CNTN5: variants seen among roughly 807,000 people sequenced by gnomAD.
CNTN5 encodes contactin-5.
Under a neutral mutation model 129.1 loss-of-function variants are expected in CNTN5, and 77 were observed. The observed-to-expected ratio is 0.60, with a 90% confidence interval of 0.50 to 0.72. The LOEUF is 0.72. CNTN5 is among the 30% of genes least tolerant of loss of function. The pLI, the probability that CNTN5 is intolerant of heterozygous loss-of-function variation, is 0.00. For missense variants in CNTN5, 1,478 were observed against 1,328.8 expected, an observed-to-expected ratio of 1.11 and a Z score of -1.75; for synonymous variants, 509 against 465.6, an observed-to-expected ratio of 1.09 and a Z score of -1.20.
chr11:100,014,107 A>T (rs1940686525), intron 9 of CNTN5, among the ~76,000 whole-genome samples: 1 of 152,160 alleles, frequency 6.6e-6, no homozygotes, highest in Non-Finnish European at 1.5e-5. Context: ...TTAGGTACCA[A>T]GTGTCAGTAA....
chr11:100,180,325 T>G (rs1367126507), intron 13 of CNTN5, among the ~76,000 whole-genome samples: 1 of 151,976 alleles, frequency 6.6e-6, no homozygotes, highest in African/African-American at 2.4e-5. Flanking sequence ...TATGCTCAAC[T>G]GATTTTTGAC....
At chr11:100,133,581 T>C (rs1443790034) in intron 13 of CNTN5, among the ~76,000 whole-genome samples, 2 of 152,140 alleles carry the variant, frequency 1.3e-5, no homozygotes, top group Non-Finnish European at 2.9e-5. Flanking sequence ...GGACCCCAGA[T>C]AGATATTTTA....
intron 21 of CNTN5, among the ~76,000 whole-genome samples, chr11:100,333,732 A>G (rs998520634): frequency 1.3e-5 from 2 of 152,168 alleles, no homozygotes; most frequent in African/African-American, 2.4e-5. Flanking sequence ...GGCTAGCCAC[A>G]TGTTGAAAAT....
At chr11:100,235,797 G>A (rs898485287) in intron 16 of CNTN5, among the ~76,000 whole-genome samples, 4 of 152,010 alleles carry the variant, frequency 2.6e-5, no homozygotes, top group Non-Finnish European at 4.4e-5. Flanking sequence ...GAATGCCCTC[G>A]AACTTGGAAA....
intron 8 of CNTN5, among the ~76,000 whole-genome samples, chr11:99,990,149 A>T (rs995407566): frequency 1.3e-5 from 2 of 152,108 alleles, no homozygotes; most frequent in African/African-American, 4.8e-5. Context: ...CATTTCTAAG[A>T]TCTATTTCTA....
rs397936738 is a variant in CNTN5 at position 99,727,312 on chromosome 11, CAAAAAAA to C, written c.56-92216_56-92210del. ...TGGGCGACAGAGCGAGACTCCGTCT[CAAAAAAA>C]AAAAAAAAAAAAAAATTCCAGGGCA... On this transcript the variant is annotated intron_variant, in intron 3 of 24. Transcript: ENST00000524871. Among the ~76,000 whole-genome samples the C allele has an allele frequency of 9.5e-3, 232 of 24,306 alleles. 5 individuals are homozygous for C. The highest frequency in any genetic ancestry group is 0.031 in the African/African-American group (201 of 6,432). The allele number at this position is 24,306 out of a possible 152,430, so 15.9% of individuals were successfully genotyped here.
At chr11:99,565,775 T>C (rs981415644) in intron 3 of CNTN5, among the ~76,000 whole-genome samples, 1 of 152,140 alleles carries the variant, frequency 6.6e-6, no homozygotes, top group Non-Finnish European at 1.5e-5. Context: ...TTTCCCCCCA[T>C]GCATGTTAGT....
intron 7 of CNTN5, among the ~76,000 whole-genome samples, chr11:99,935,088 T>C (rs1950285703): frequency 2.0e-5 from 3 of 151,032 alleles, no homozygotes; most frequent in Admixed American, 6.6e-5. Flanking sequence ...CATAGATGTA[T>C]ATCTATATCA....
chr11:100,306,739 A>G (rs1007624177), intron 20 of CNTN5, among the ~76,000 whole-genome samples: 4 of 151,692 alleles, frequency 2.6e-5, no homozygotes, highest in African/African-American at 9.7e-5. Flanking sequence ...CTAGAATAAG[A>G]TAGAAGATTT....
chr11:100,289,051 T>A (rs1950880585), intron 18 of CNTN5, among the ~76,000 whole-genome samples: 1 of 152,150 alleles, frequency 6.6e-6, no homozygotes, highest in South Asian at 2.1e-4. Flanking sequence ...CTCCAAAGAC[T>A]AAGCCAGGGA....
At chr11:100,189,509 C>T (rs767848820) in intron 13 of CNTN5, among the ~76,000 whole-genome samples, 8 of 152,078 alleles carry the variant, frequency 5.3e-5, no homozygotes, top group Non-Finnish European at 8.8e-5. Flanking sequence ...TGAGAATTCA[C>T]CCAAGTCAGT....
chr11:99,696,700 CAG>C (rs1954283813), intron 3 of CNTN5, among the ~76,000 whole-genome samples: 2 of 151,196 alleles, frequency 1.3e-5, no homozygotes, highest in Admixed American at 6.6e-5. Flanking sequence ...TTTTTTATGA[CAG>C]AAAGAAAACA....
chr11:99,400,921 AGATT>A (rs1474069431), intron 2 of CNTN5, among the ~76,000 whole-genome samples: 1 of 152,082 alleles, frequency 6.6e-6, no homozygotes, highest in Non-Finnish European at 1.5e-5. Flanking sequence ...TTTTAAAATT[AGATT>A]ATTAGATTTT....
In CNTN5 at chr11:99,970,961, C is replaced by A. The variant is rs1951234424; in HGVS notation, c.877+13952C>A. ...CATGAAGTACCCTCTTAACTCCTAG[C>A]TCTGTCTCCAAGAATGCAAATGATT... On this transcript the variant is annotated intron_variant, in intron 8 of 24. Transcript: ENST00000524871. Among the ~76,000 whole-genome samples, 3 of 152,176 alleles carry A rather than the reference C, an allele frequency of 2.0e-5. No homozygotes were observed. In the South Asian group the frequency reaches 6.2e-4, roughly 32 times the overall value.
intron 2 of CNTN5, among the ~76,000 whole-genome samples, chr11:99,408,456 A>AAGAAAGAAAGAAAGAAAG (rs1565557976): frequency 2.6e-4 from 32 of 124,134 alleles, no homozygotes; most frequent in Non-Finnish European, 1.3e-4. Context: ...AAGAGAAAGA[A>AAGAAAGAAAGAAAGAAAG]AGAAAGAAAG....
chr11:100,090,665 G>C (rs1219779852), intron 13 of CNTN5, among the ~76,000 whole-genome samples: 1 of 151,248 alleles, frequency 6.6e-6, no homozygotes, highest in African/African-American at 2.4e-5. Flanking sequence ...TCAGTGCCTG[G>C]TGAGAGCTCA....
chr11:99,137,443 A>T (rs1859285196), intron 1 of CNTN5, among the ~76,000 whole-genome samples: 2 of 152,126 alleles, frequency 1.3e-5, no homozygotes, highest in African/African-American at 4.8e-5. Context: ...TATGCTCATT[A>T]TACGAGGTAG....
chr11:99,526,097 GC>G (rs1255722522), intron 2 of CNTN5, among the ~76,000 whole-genome samples: 1 of 152,046 alleles, frequency 6.6e-6, no homozygotes, highest in Non-Finnish European at 1.5e-5. Context: ...GCTCCTTTAA[GC>G]AAAAAACTGT....
At chr11:100,303,565 CGCTTT>C (rs56358449) in intron 20 of CNTN5, among the ~76,000 whole-genome samples, 77,860 of 112,064 alleles carry the variant, frequency 0.69, 22,635 homozygotes, top group Non-Finnish European at 0.75. Context: ...ACTTGTGATG[CGCTTT>C]ATCCTTTATC....
Sources: gnomAD v4.1 joint callset for allele counts (sites outside exome capture counted in the v4.1 genomes callset) on GRCh38, gnomAD v4.1.1 for gene constraint, MANE v1.5 for transcripts, NCBI Gene and HGNC (gene_info 2026-07-23, HGNC 2026-07-21) for gene names.